The following SPATS2L variants were observed in gnomAD, a reference collection of about 807,000 sequenced individuals.
The protein encoded by SPATS2L is spermatogenesis associated serine rich 2 like, also known as SPATS2-like protein.
Under a neutral mutation model 59.6 loss-of-function variants are expected in SPATS2L, and 30 were observed. That is an observed-to-expected ratio of 0.50 (90% CI 0.38 to 0.68). The LOEUF is 0.68. Ranked by LOEUF, SPATS2L falls within the 30% of genes least tolerant of loss-of-function variation. The pLI is 0.00. For missense variants in SPATS2L, 615 were observed against 700.0 expected (o/e 0.88, Z 1.37); for synonymous variants, 252 against 263.5 (o/e 0.96, Z 0.42).
chr2:200,360,554 A>G (rs924288663), intron 2 of SPATS2L, among the ~76,000 whole-genome samples: 6 of 152,154 alleles, frequency 3.9e-5, no homozygotes, highest in Non-Finnish European at 8.8e-5. Context: ...GAAGGATCCT[A>G]TCGGAGTGGG....
intron 2 of SPATS2L, among the ~76,000 whole-genome samples, chr2:200,366,939 G>A (rs1009152693): frequency 5.9e-5 from 9 of 152,164 alleles, no homozygotes; most frequent in African/African-American, 1.2e-4. Flanking sequence ...TTTACTAAGA[G>A]TTTCTATAGG....
chr2:200,399,391 C>T (rs767333248), intron 3 of SPATS2L, among the ~76,000 whole-genome samples: 2 of 152,290 alleles, frequency 1.3e-5, no homozygotes, highest in African/African-American at 2.4e-5. Context: ...CATGTTGTTG[C>T]ACATTGCAGG....
At chr2:200,439,356 T>G in intron 7 of SPATS2L, 28 bp downstream of exon 7, 1 of 1,582,042 alleles carries the variant, frequency 6.3e-7, no homozygotes, top group Non-Finnish European at 8.7e-7. Flanking sequence ...GCACAAATGA[T>G]TCAACATATT....
At chr2:200,307,306 C>T (rs1184598580) in intron 1 of SPATS2L, among the ~76,000 whole-genome samples, 1 of 151,706 alleles carries the variant, frequency 6.6e-6, no homozygotes, top group African/African-American at 2.4e-5. Flanking sequence ...CGCGCGGGCG[C>T]CCCCGTTCCC....
intron 9 of SPATS2L, among the ~76,000 whole-genome samples, chr2:200,461,799 A>G (rs1388232968): frequency 7.9e-5 from 12 of 152,200 alleles, no homozygotes; most frequent in African/African-American, 2.4e-5. Flanking sequence ...CCATAATTCA[A>G]GTGTCATTTT....
intron 8 of SPATS2L, among the ~76,000 whole-genome samples, chr2:200,448,726 A>C (rs1382798878): frequency 1.3e-5 from 2 of 152,192 alleles, no homozygotes; most frequent in African/African-American, 4.8e-5. Flanking sequence ...GCACCATAGA[A>C]AGAGAATTAA....
intron 1 of SPATS2L, 137 bp downstream of exon 1, chr2:200,307,059 C>A: frequency 2.7e-6 from 2 of 737,100 alleles, no homozygotes; most frequent in Non-Finnish European, 3.3e-6. Context: ...CCTCCGCCGC[C>A]TCCCGGAGCG....
At chr2:200,477,092 A>G (rs139720189) in intron 12 of SPATS2L, among the ~76,000 whole-genome samples, 3 of 152,284 alleles carry the variant, frequency 2.0e-5, no homozygotes, top group Non-Finnish European at 2.9e-5. Flanking sequence ...TTATGGGTAC[A>G]GGATACGGGG....
Position 200,477,758 on chromosome 2 carries a change from C to A in SPATS2L, c.1404C>A (p.Arg468=), listed in dbSNP as rs752003547. 3.8e-6 allele frequency: 6 copies of A among 1,581,088 alleles called. No individual in the cohort carries two copies. The East Asian group carries it at 1.4e-4, about 37-fold the overall frequency. Residue 468 remains arginine (R), a synonymous_variant, in exon 13 of 13, where the codon CGC becomes CGA. Coordinates refer to ENST00000409140, the MANE Select transcript of SPATS2L (RefSeq NM_001100423.2). ...AGCCACTGGGAAAGGGCAACAGCCG[C>A]CACGAACACAGAAGACAGCCGCACA... is the stretch of plus-strand genomic sequence containing the variant. The part of the protein sequence containing the change: ...EAEPLGKGNS[R]HEHRRQPHNG...
rs114023955 is a variant in SPATS2L, at chr2:200,362,605, T to C, written c.-22-26618T>C. Among the ~76,000 whole-genome samples, 639 of 152,318 alleles carry C rather than the reference T, an allele frequency of 4.2e-3. 8 individuals are homozygous for C. Among genetic ancestry groups the C allele is most frequent in the African/African-American group, 0.015 (616 of 41,574 alleles). On this transcript the variant is annotated intron_variant, in intron 2 of 12. Coordinates refer to ENST00000409140, the MANE Select transcript of SPATS2L (RefSeq NM_001100423.2). ...TGGCCAGGACTTACCTATGTGAAGATACTTAATTGCAAGGGAGGATGGAAA... is the reference window on the plus strand; with the variant it reads ...TGGCCAGGACTTACCTATGTGAAGACACTTAATTGCAAGGGAGGATGGAAA...
At chr2:200,416,327 T>G in intron 4 of SPATS2L, 52 bp from the exon 5 acceptor site, 19 of 887,842 alleles carry the variant, frequency 2.1e-5, no homozygotes, top group South Asian at 5.7e-5. Flanking sequence ...ATGAATTTTG[T>G]GTGGTGTTTT....
chr2:200,392,968 C>T, intron 3 of SPATS2L: 5 of 329,664 alleles, frequency 1.5e-5, no homozygotes, highest in South Asian at 1.0e-4. Context: ...TTTGTTTTTT[C>T]CTATATCTTT....
chr2:200,459,428 A>G (rs1462907572), intron 8 of SPATS2L, among the ~76,000 whole-genome samples: 2 of 152,210 alleles, frequency 1.3e-5, no homozygotes, highest in Non-Finnish European at 2.9e-5. Context: ...CAGCTTTTCA[A>G]ATACTTATTA....
At chr2:200,351,156 G>A (rs2080716562) in intron 2 of SPATS2L, 1 of 457,030 alleles carries the variant, frequency 2.2e-6, no homozygotes, top group African/African-American at 2.0e-5. Flanking sequence ...GTGGAAAGCA[G>A]TGCGAACTCT....
At position 200,477,690 on chromosome 2, in the gene SPATS2L, C is replaced by T. The variant is rs767462593; in HGVS notation, c.1336C>T (p.Leu446=). 25 of 1,565,680 alleles carry T rather than the reference C, an allele frequency of 1.6e-5. 1 individual carries two copies. The South Asian group carries it at 2.9e-4, about 18-fold the overall frequency. ...RFNPQYHNNR[L]NGPAKSQGSG... ...TAATCCACAGTATCATAACAACAGG[C>T]TAAATGGGCCTGCCAAGTCGCAGGG... The change falls in exon 13 of 13, where the codon CTA becomes TTA. Residue 446 remains leucine, a synonymous_variant. Transcript: ENST00000409140.
chr2:200,335,785 C>G (rs749187214), intron 2 of SPATS2L, among the ~76,000 whole-genome samples: 6 of 152,154 alleles, frequency 3.9e-5, no homozygotes, highest in Non-Finnish European at 5.9e-5. Context: ...TTAGGACTTG[C>G]ATTTACATTC....
At chr2:200,359,863 C>G (rs1041513306) in intron 2 of SPATS2L, among the ~76,000 whole-genome samples, 1 of 152,188 alleles carries the variant, frequency 6.6e-6, no homozygotes, top group African/African-American at 2.4e-5. Context: ...CTGAGTCTGT[C>G]TGGACTACTC....
intron 2 of SPATS2L, among the ~76,000 whole-genome samples, chr2:200,382,669 T>G (rs1160967800): frequency 6.6e-6 from 1 of 152,176 alleles, no homozygotes; most frequent in Non-Finnish European, 1.5e-5. Flanking sequence ...CCCTGCCACT[T>G]AACTGTGGGA....
chr2:200,346,770 T>C (rs1225870063), intron 2 of SPATS2L, among the ~76,000 whole-genome samples: 1 of 152,186 alleles, frequency 6.6e-6, no homozygotes, highest in East Asian at 1.9e-4. Flanking sequence ...TACCCTAACC[T>C]GTAGAAGTCC....
Sources: allele counts gnomAD v4.1 joint callset (sites outside exome capture counted in the v4.1 genomes callset), GRCh38; gene constraint gnomAD v4.1.1; transcripts MANE v1.5; gene names NCBI Gene and HGNC (gene_info 2026-07-23, HGNC 2026-07-21).